Variants in MYZAP observed in about 807,000 individuals in gnomAD.
The protein encoded by MYZAP is GRINL1A complex locus upstream.
In MYZAP, 66 loss-of-function variants were observed where a neutral mutation model predicts 69.4. The ratio of observed to expected loss-of-function variants is 0.95; its 90% CI spans 0.78 to 1.17. The LOEUF (loss-of-function observed/expected upper bound fraction) is 1.17, where lower values mean the gene tolerates loss of function less well. MYZAP is among the 50% of genes most tolerant of loss of function. The pLI, the probability that MYZAP is intolerant of heterozygous loss-of-function variation, is 0.00. For synonymous variants in MYZAP, 256 were observed against 205.9 expected, an observed-to-expected ratio of 1.24 and a Z score of -2.09; for missense variants, 611 against 556.2, an observed-to-expected ratio of 1.10 and a Z score of -0.99.
intron 1 of MYZAP, chr15:57,599,749 G>A: frequency 7.9e-7 from 1 of 1,262,322 alleles, no homozygotes. Flanking sequence ...TTTCCCATGG[G>A]GAGATTGCGG....
intron 10 of MYZAP, among the ~76,000 whole-genome samples, chr15:57,643,978 T>G (rs2037309543): frequency 6.6e-6 from 1 of 152,244 alleles, no homozygotes; most frequent in Non-Finnish European, 1.5e-5. Flanking sequence ...AGTGCAAAGG[T>G]GCAAGGAATT....
chr15:57,650,002 C>T (rs2037646624), intron 10 of MYZAP, among the ~76,000 whole-genome samples: 2 of 152,206 alleles, frequency 1.3e-5, no homozygotes, highest in Non-Finnish European at 2.9e-5. Context: ...GTATCTCTAA[C>T]ACCTGGGATA....
Position 57,618,259 on chromosome 15 carries a change from G to A in MYZAP, c.318+71G>A, listed in dbSNP as rs2035601967. The A allele has an allele frequency of 3.9e-6, 6 of 1,546,272 alleles. No individual in the cohort carries two copies. In the South Asian group the frequency reaches 5.1e-5, roughly 13 times the overall value. On this transcript the variant is annotated intron_variant, in intron 3 of 12. Transcript: ENST00000267853. ...AGCATGCAAGAGAATGGAGTTGGAA[G>A]CATTGAAGTGAATGTAATAAGGCAT...
chr15:57,647,084 C>A (rs1220729234), intron 10 of MYZAP: 1 of 985,230 alleles, frequency 1.0e-6, no homozygotes, highest in Non-Finnish European at 1.2e-6. Flanking sequence ...GTCCCTCAGA[C>A]GTTGGCTAGT....
At chr15:57,628,395 G>C (rs1347105590) in intron 5 of MYZAP, among the ~76,000 whole-genome samples, 1 of 151,960 alleles carries the variant, frequency 6.6e-6, no homozygotes, top group East Asian at 1.9e-4. Flanking sequence ...TCAGCCTCCT[G>C]GGTAGCTGGG....
intron 10 of MYZAP, among the ~76,000 whole-genome samples, chr15:57,656,622 A>T (rs1195080270): frequency 6.6e-6 from 1 of 152,096 alleles, no homozygotes; most frequent in African/African-American, 2.4e-5. Flanking sequence ...TGGGAAAGGG[A>T]TGGGAGGTTC....
At chr15:57,657,995 A>G (rs1595918491) in intron 10 of MYZAP, among the ~76,000 whole-genome samples, 1 of 152,178 alleles carries the variant, frequency 6.6e-6, no homozygotes, top group African/African-American at 2.4e-5. Flanking sequence ...GTCTTTAACT[A>G]TTATTAACAT....
chr15:57,604,324 A>G lies in MYZAP; in HGVS notation c.131A>G (p.Gln44Arg). Residue 44 changes from glutamine to arginine, a missense_variant, in exon 2 of 13, where the codon CAA becomes CGA. Physicochemically the swap from Gln to Arg is conservative, Grantham distance 43. Coordinates refer to ENST00000267853, the MANE Select transcript of MYZAP (RefSeq NM_001018100.5). ...CCTCCTGAGAGTCCAGTTCCTGAGC[A>G]ATGTGAAAAGAAGATTGAGAGAAAA... Reference protein sequence around the residue: ...TVPPESPVPEQCEKKIERKEQ... With the variant: ...TVPPESPVPERCEKKIERKEQ... 6.2e-7 allele frequency: 1 copy of G among 1,614,222 alleles called. No homozygotes were observed. The highest frequency in any genetic ancestry group is 8.5e-7 in the Non-Finnish European group (1 of 1,180,038).
intron 1 of MYZAP, among the ~76,000 whole-genome samples, chr15:57,595,854 T>TA (rs1306390477): frequency 2.6e-5 from 4 of 152,184 alleles, no homozygotes; most frequent in Admixed American, 1.3e-4. Context: ...CTTCCTCTGT[T>TA]AAACACTGGA....
chr15:57,681,102 C>T (rs180767410), intron 12 of MYZAP, among the ~76,000 whole-genome samples: 17 of 152,274 alleles, frequency 1.1e-4, no homozygotes, highest in African/African-American at 3.6e-4. Context: ...AGAAGGTTCA[C>T]CTTTATAAAT....
At chr15:57,647,289 A>C in intron 10 of MYZAP, 2 of 985,438 alleles carry the variant, frequency 2.0e-6, no homozygotes, top group Non-Finnish European at 2.4e-6. Flanking sequence ...TGCTGTGTTT[A>C]GACACAGATC....
chr15:57,632,382 A>C, intron 6 of MYZAP, 52 bp from the exon 7 acceptor site: 1 of 1,611,174 alleles, frequency 6.2e-7, no homozygotes, highest in South Asian at 1.1e-5. Flanking sequence ...GGAAGCTGCC[A>C]ATTCCTCTGG....
intron 6 of MYZAP, among the ~76,000 whole-genome samples, chr15:57,630,466 G>A (rs2036437687): frequency 6.6e-6 from 1 of 152,158 alleles, no homozygotes; most frequent in South Asian, 2.1e-4. Flanking sequence ...AGGTCCCAAG[G>A]CCTTTCTGTT....
intron 6 of MYZAP, among the ~76,000 whole-genome samples, chr15:57,630,347 C>T (rs1209933271): frequency 6.6e-6 from 1 of 152,214 alleles, no homozygotes; most frequent in Non-Finnish European, 1.5e-5. Context: ...TCTTTAGACA[C>T]TCACCATGGT....
intron 5 of MYZAP, among the ~76,000 whole-genome samples, chr15:57,626,287 C>T (rs770860626): frequency 6.6e-6 from 1 of 152,110 alleles, no homozygotes; most frequent in Non-Finnish European, 1.5e-5. Context: ...AATCTGTACT[C>T]CTTCATGGCA....
intron 12 of MYZAP, among the ~76,000 whole-genome samples, chr15:57,678,651 G>A (rs544070419): frequency 2.0e-5 from 3 of 151,962 alleles, no homozygotes; most frequent in African/African-American, 4.8e-5. Flanking sequence ...TAGACACCCC[G>A]TCTAGACACT....
intron 10 of MYZAP, among the ~76,000 whole-genome samples, chr15:57,644,527 C>G (rs1399959090): frequency 6.6e-6 from 1 of 152,156 alleles, no homozygotes; most frequent in African/African-American, 2.4e-5. Flanking sequence ...CTTCCTGCAG[C>G]CTCCAACTCC....
chr15:57,639,859 G>A (rs1202216443), intron 10 of MYZAP, among the ~76,000 whole-genome samples: 1 of 152,200 alleles, frequency 6.6e-6, no homozygotes, highest in Non-Finnish European at 1.5e-5. Context: ...GGGACCCAAG[G>A]GGGTGATGGG....
At position 57,632,570 on chromosome 15, in the gene MYZAP, T is replaced by A; in HGVS notation, c.804+11T>A. On this transcript the variant is annotated intron_variant, in intron 7 of 12. Coordinates refer to ENST00000267853, the MANE Select transcript of MYZAP (RefSeq NM_001018100.5). ...AAGGAGGCTCTTTTGGTGTGTGTGTTGTAGCTGCCGATGTAAACTTACCGG... is the reference window on the plus strand; with the variant it reads ...AAGGAGGCTCTTTTGGTGTGTGTGTAGTAGCTGCCGATGTAAACTTACCGG... 6.2e-7 allele frequency: 1 copy of A among 1,613,620 alleles called. No individual in the cohort carries two copies. The highest frequency in any genetic ancestry group is 8.5e-7 in the Non-Finnish European group (1 of 1,179,866).
Sources: allele counts gnomAD v4.1 joint callset (sites outside exome capture counted in the v4.1 genomes callset), GRCh38; gene constraint gnomAD v4.1.1; transcripts MANE v1.5; gene names NCBI Gene and HGNC (gene_info 2026-07-23, HGNC 2026-07-21).